PAWR: variants seen among roughly 807,000 people sequenced by gnomAD.
PAWR encodes the protein pro-apoptotic WT1 regulator.
In PAWR, 23 loss-of-function variants were observed where a neutral mutation model predicts 32.0. The ratio of observed to expected loss-of-function variants is 0.72; its 90% CI spans 0.52 to 1.02. PAWR has a LOEUF of 1.02. Among genes scored for constraint, PAWR ranks in the 50% least tolerant of loss-of-function variants. The probability of loss-of-function intolerance (pLI) is 0.00; values close to 1 mark genes in which losing one functional copy is unlikely to be tolerated. For synonymous variants in PAWR, 226 were observed against 187.1 expected, an observed-to-expected ratio of 1.21 and a Z score of -1.70; for missense variants, 457 against 437.7, an observed-to-expected ratio of 1.04 and a Z score of -0.39.
At chr12:79,601,082 G>A (rs569769922) in intron 4 of PAWR, among the ~76,000 whole-genome samples, 1 of 151,958 alleles carries the variant, frequency 6.6e-6, no homozygotes, top group East Asian at 1.9e-4. Flanking sequence ...AGAAGGACAA[G>A]AATGTGCAAA....
Position 79,690,110 on chromosome 12 carries a change from G to A in PAWR, c.135C>T (p.Gly45=). Residue 45 remains glycine, a synonymous_variant, in exon 2 of 7, where the codon GGC becomes GGT. Transcript: ENST00000328827. ...GGGGCTTCCCAGCGGCGTCGCTGCT[G>A]CCCCCTCCCGGGGGGGCCGGGCCCG... ...NPPGPAPPGG[G]SSDAAGKPPA... is the part of the protein sequence containing the mutation. 6.7e-7 allele frequency: 1 copy of A among 1,494,938 alleles called. No individual in the cohort carries two copies. The allele number at this position is 1,494,938 out of a possible 1,614,324, so 92.6% of individuals were successfully genotyped here. A position where few individuals can be genotyped will look rare whatever the true frequency, so the allele number is the denominator to read the frequency against.
intron 2 of PAWR, among the ~76,000 whole-genome samples, chr12:79,622,044 C>A (rs923924053): frequency 3.3e-5 from 5 of 151,760 alleles, no homozygotes; most frequent in South Asian, 2.1e-4. Context: ...ACAAAAAAAA[C>A]CACACACCTC....
At chr12:79,633,618 C>T (rs1461950070) in intron 2 of PAWR, among the ~76,000 whole-genome samples, 1 of 151,994 alleles carries the variant, frequency 6.6e-6, no homozygotes, top group East Asian at 1.9e-4. Context: ...CCAAATGGCC[C>T]AGTTTCTACA....
chr12:79,602,032 C>T (rs1396295972), intron 4 of PAWR, among the ~76,000 whole-genome samples: 1 of 152,160 alleles, frequency 6.6e-6, no homozygotes, highest in Non-Finnish European at 1.5e-5. Flanking sequence ...CCCAGACTTA[C>T]ATATTTTGTA....
At chr12:79,624,689 G>A (rs1875193122) in intron 2 of PAWR, among the ~76,000 whole-genome samples, 1 of 152,160 alleles carries the variant, frequency 6.6e-6, no homozygotes, top group African/African-American at 2.4e-5. Context: ...TACATCTGGA[G>A]GAAGAAGTTG....
intron 2 of PAWR, among the ~76,000 whole-genome samples, chr12:79,640,424 A>T (rs1409134953): frequency 6.6e-6 from 1 of 152,050 alleles, no homozygotes; most frequent in Non-Finnish European, 1.5e-5. Flanking sequence ...ACCAAGAAAG[A>T]CTCTGTCTTC....
chr12:79,638,346 TTC>T (rs1453338606), intron 2 of PAWR, among the ~76,000 whole-genome samples: 1 of 152,158 alleles, frequency 6.6e-6, no homozygotes, highest in Non-Finnish European at 1.5e-5. Context: ...TCAATTTCAT[TTC>T]TTAGTACTTC....
chr12:79,632,292 T>C (rs865777556), intron 2 of PAWR: 1 of 55,846 alleles, frequency 1.8e-5, no homozygotes, highest in Non-Finnish European at 2.6e-5. Context: ...AATAGAAATA[T>C]ATACATATAT....
intron 2 of PAWR, among the ~76,000 whole-genome samples, chr12:79,669,845 T>A (rs1053110170): frequency 1.6e-4 from 24 of 151,870 alleles, no homozygotes; most frequent in African/African-American, 5.6e-4. Flanking sequence ...ATACTATAGG[T>A]GTGCACCACT....
chr12:79,595,531 T>C (rs1873718191), intron 5 of PAWR, among the ~76,000 whole-genome samples: 1 of 152,220 alleles, frequency 6.6e-6, no homozygotes, highest in Admixed American at 6.5e-5. Context: ...TTACATATTG[T>C]CTAAACTTTT....
chr12:79,614,154 G>A (rs903502489), intron 3 of PAWR, among the ~76,000 whole-genome samples: 12 of 149,812 alleles, frequency 8.0e-5, no homozygotes, highest in Non-Finnish European at 1.5e-4. Flanking sequence ...GGGATTACAG[G>A]CATGTGCCAC....
chr12:79,621,812 G>C (rs1416084618), intron 2 of PAWR, among the ~76,000 whole-genome samples: 1 of 151,952 alleles, frequency 6.6e-6, no homozygotes, highest in Non-Finnish European at 1.5e-5. Flanking sequence ...ACAAGAGAAG[G>C]CTGCTAAAAA....
intron 3 of PAWR, among the ~76,000 whole-genome samples, chr12:79,620,570 G>T (rs940076623): frequency 6.6e-6 from 1 of 152,172 alleles, no homozygotes; most frequent in Non-Finnish European, 1.5e-5. Context: ...CCCATAAAGG[G>T]GCAGCCAGAG....
intron 2 of PAWR, among the ~76,000 whole-genome samples, chr12:79,633,163 AT>A (rs1334434269): frequency 6.6e-6 from 1 of 152,066 alleles, no homozygotes; most frequent in Non-Finnish European, 1.5e-5. Flanking sequence ...CAAAAAAACT[AT>A]CAAAATTAAA....
chr12:79,619,189 G>T (rs1874885919), intron 3 of PAWR, among the ~76,000 whole-genome samples: 1 of 152,076 alleles, frequency 6.6e-6, no homozygotes, highest in Admixed American at 6.6e-5. Context: ...CTCGCCCAGG[G>T]CCTGAATCAT....
At chr12:79,618,965 A>G (rs1229396729) in intron 3 of PAWR, among the ~76,000 whole-genome samples, 1 of 151,986 alleles carries the variant, frequency 6.6e-6, no homozygotes, top group Non-Finnish European at 1.5e-5. Flanking sequence ...TTCACTTTCT[A>G]CAGTTTCAGT....
intron 3 of PAWR, among the ~76,000 whole-genome samples, chr12:79,619,064 G>A (rs1038468635): frequency 2.0e-5 from 3 of 151,430 alleles, no homozygotes; most frequent in African/African-American, 7.3e-5. Flanking sequence ...TAAAATTTTA[G>A]TATTTTAATT....
rs188084215 is a variant in PAWR at position 79,620,744 on chromosome 12, A to G, written c.648+332T>C. On this transcript the variant is annotated intron_variant, in intron 3 of 6. Transcript: ENST00000328827. Reference sequence around the variant, plus strand: ...GAAGTGAATGTTCACATGGAGTGGCAGTCTGGCCTGGAGTTGTCAAAACCT... The same window carrying G: ...GAAGTGAATGTTCACATGGAGTGGCGGTCTGGCCTGGAGTTGTCAAAACCT... 3.2e-3 allele frequency among the ~76,000 whole-genome samples: 490 copies of G among 152,292 alleles called. 5 individuals are homozygous for G. The highest frequency in any genetic ancestry group is 0.011 in the African/African-American group (439 of 41,564).
intron 4 of PAWR, among the ~76,000 whole-genome samples, chr12:79,602,408 A>T (rs1358812485): frequency 6.6e-6 from 1 of 152,128 alleles, no homozygotes; most frequent in Non-Finnish European, 1.5e-5. Flanking sequence ...ATTTTTATAA[A>T]ATATATTGGG....
Sources: gnomAD v4.1 joint callset for allele counts (sites outside exome capture counted in the v4.1 genomes callset) on GRCh38, gnomAD v4.1.1 for gene constraint, MANE v1.5 for transcripts, NCBI Gene and HGNC (gene_info 2026-07-23, HGNC 2026-07-21) for gene names.